Variants in SIPA1L1 observed in about 807,000 individuals in gnomAD.
SIPA1L1 encodes signal induced proliferation associated 1 like 1.
SIPA1L1 carries 26 observed loss-of-function variants against 162.7 expected under a neutral mutation model. That is an observed-to-expected ratio of 0.16 (90% confidence interval 0.12 to 0.22). The LOEUF is 0.22. SIPA1L1 is among the 10% of genes least tolerant of loss of function. The probability of loss-of-function intolerance (pLI) is 1.00; values close to 1 mark genes in which losing one functional copy is unlikely to be tolerated. For synonymous variants in SIPA1L1, 829 were observed against 837.4 expected (o/e 0.99, Z 0.17); for missense variants, 1,874 against 2,241.0 (o/e 0.84, Z 3.31).
intron 7 of SIPA1L1, among the ~76,000 whole-genome samples, chr14:71,642,972 A>C (rs563667401): frequency 1.3e-5 from 2 of 152,106 alleles, no homozygotes; most frequent in Admixed American, 1.3e-4. Flanking sequence ...TTGCCAAAAA[A>C]AAAAAAACAA....
intron 2 of SIPA1L1, among the ~76,000 whole-genome samples, chr14:71,379,210 T>C (rs2039672939): frequency 6.6e-6 from 1 of 152,184 alleles, no homozygotes; most frequent in Admixed American, 6.5e-5. Context: ...TTTTTTCATA[T>C]TTTTCTGTCA....
intron 19 of SIPA1L1, among the ~76,000 whole-genome samples, chr14:71,725,187 C>T (rs190502600): frequency 1.4e-4 from 22 of 152,324 alleles, no homozygotes; most frequent in African/African-American, 4.6e-4. Flanking sequence ...AAAGCTAGAA[C>T]GTTTTCCATA....
intron 4 of SIPA1L1, among the ~76,000 whole-genome samples, chr14:71,544,321 T>C (rs2054961689): frequency 6.6e-6 from 1 of 151,650 alleles, no homozygotes; most frequent in Non-Finnish European, 1.5e-5. Flanking sequence ...TACATATATG[T>C]ATATACATAT....
At chr14:71,324,299 G>A (rs1458412532) in intron 2 of SIPA1L1, among the ~76,000 whole-genome samples, 1 of 152,194 alleles carries the variant, frequency 6.6e-6, no homozygotes, top group Non-Finnish European at 1.5e-5. Context: ...AGCCCAGAAA[G>A]TTGAAGTGAT....
At chr14:71,395,756 C>G (rs1360500042) in intron 2 of SIPA1L1, among the ~76,000 whole-genome samples, 9 of 152,110 alleles carry the variant, frequency 5.9e-5, no homozygotes, top group Admixed American at 5.9e-4. Flanking sequence ...TGTGTCAGCA[C>G]CAGTGTTGTT....
intron 10 of SIPA1L1, among the ~76,000 whole-genome samples, chr14:71,668,738 C>T (rs2044250139): frequency 6.6e-6 from 1 of 152,088 alleles, no homozygotes; most frequent in South Asian, 2.1e-4. Context: ...CATTCCAGTC[C>T]TCAACAATGC....
At chr14:71,616,629 T>C (rs1246007991) in intron 5 of SIPA1L1, among the ~76,000 whole-genome samples, 2 of 152,132 alleles carry the variant, frequency 1.3e-5, no homozygotes, top group Non-Finnish European at 2.9e-5. Flanking sequence ...AGCTAGAGTG[T>C]GGATGCTGGT....
At chr14:71,684,729 T>C (rs956592068) in intron 12 of SIPA1L1, among the ~76,000 whole-genome samples, 2 of 151,540 alleles carry the variant, frequency 1.3e-5, no homozygotes, top group South Asian at 2.1e-4. Context: ...ATACACTCTT[T>C]TGGAGCCCAG....
intron 7 of SIPA1L1, among the ~76,000 whole-genome samples, chr14:71,638,053 A>T (rs1336644356): frequency 6.6e-6 from 1 of 152,226 alleles, no homozygotes; most frequent in Non-Finnish European, 1.5e-5. Context: ...ATTGAAAAAA[A>T]TTGAATTCAT....
chr14:71,439,130 G>A (rs2044639077), intron 2 of SIPA1L1, among the ~76,000 whole-genome samples: 1 of 152,180 alleles, frequency 6.6e-6, no homozygotes, highest in Non-Finnish European at 1.5e-5. Context: ...GGAGAGGAGG[G>A]CAACACAAAG....
At chr14:71,426,965 C>G (rs1173883530) in intron 2 of SIPA1L1, among the ~76,000 whole-genome samples, 1 of 152,122 alleles carries the variant, frequency 6.6e-6, no homozygotes, top group Non-Finnish European at 1.5e-5. Context: ...ATGTAGAAAA[C>G]AAAATGTGGC....
intron 13 of SIPA1L1, among the ~76,000 whole-genome samples, chr14:71,697,876 T>C (rs2149766260): frequency 6.6e-6 from 1 of 152,310 alleles, no homozygotes; most frequent in Admixed American, 6.5e-5. Flanking sequence ...TTAAGATAGC[T>C]TTATGTGCAA....
chr14:71,447,789 G>A (rs1405904586), intron 2 of SIPA1L1, among the ~76,000 whole-genome samples: 4 of 151,758 alleles, frequency 2.6e-5, no homozygotes, highest in Non-Finnish European at 4.4e-5. Flanking sequence ...GGCTGGTCTC[G>A]AACTCCTGAG....
At chr14:71,568,135 G>A (rs4902939) in intron 4 of SIPA1L1, among the ~76,000 whole-genome samples, 67,359 of 151,798 alleles carry the variant, frequency 0.44, 15,631 homozygotes, top group Admixed American at 0.52. Flanking sequence ...ATCTCATCTT[G>A]TGACTTAGAA....
In SIPA1L1 at chr14:71,447,175, A is replaced by C. The variant is rs188405343; in HGVS notation, c.-464-65568A>C. Among the ~76,000 whole-genome samples the C allele has an allele frequency of 2.0e-5, 3 of 151,834 alleles. No homozygotes were observed. In the East Asian group the frequency reaches 5.8e-4, roughly 30 times the overall value. ...GTGATCCTCCTGCCTTAGCCTCCCA[A>C]AGTGTTGGCATTACAGGCATGAGCC... On this transcript the variant is annotated intron_variant, in intron 2 of 23. Coordinates refer to ENST00000381232, the MANE Select transcript of SIPA1L1 (RefSeq NM_001386936.1).
chr14:71,672,695 G>A, intron 12 of SIPA1L1, 73 bp downstream of exon 12: 1 of 1,491,504 alleles, frequency 6.7e-7, no homozygotes, highest in Non-Finnish European at 9.2e-7. Flanking sequence ...ACATCTCTTA[G>A]CAGGTAGTGG....
chr14:71,497,299 C>T (rs1353801508), intron 2 of SIPA1L1, among the ~76,000 whole-genome samples: 1 of 152,174 alleles, frequency 6.6e-6, no homozygotes, highest in Non-Finnish European at 1.5e-5. Context: ...TCTTCCTTGG[C>T]CTCCCAGAAT....
At chr14:71,628,709 A>G (rs188116131) in intron 7 of SIPA1L1, among the ~76,000 whole-genome samples, 2 of 152,342 alleles carry the variant, frequency 1.3e-5, no homozygotes, top group Admixed American at 6.5e-5. Context: ...AACAAAGAGC[A>G]TGGAGGTACA....
At chr14:71,425,827 C>T (rs542360607) in intron 2 of SIPA1L1, among the ~76,000 whole-genome samples, 1 of 146,308 alleles carries the variant, frequency 6.8e-6, no homozygotes, top group Non-Finnish European at 1.6e-5. Flanking sequence ...GTAGAATGGT[C>T]TATTTCTCTC....
Sources: allele counts gnomAD v4.1 joint callset (sites outside exome capture counted in the v4.1 genomes callset), GRCh38; gene constraint gnomAD v4.1.1; transcripts MANE v1.5; gene names NCBI Gene and HGNC (gene_info 2026-07-23, HGNC 2026-07-21).